Variants in RTL4 observed in about 807,000 individuals in gnomAD.
RTL4 encodes the protein retrotransposon Gag-like protein 4.
A neutral mutation model predicts 5.3 loss-of-function variants in RTL4; 4 were observed. The observed-to-expected ratio is 0.75, with a 90% CI of 0.37 to 1.72. The LOEUF (loss-of-function observed/expected upper bound fraction) is 1.72. RTL4 is among the 40% of genes most tolerant of loss of function. The probability of loss-of-function intolerance (pLI) is 0.04; values close to 1 mark genes in which losing one functional copy is unlikely to be tolerated. For synonymous variants in RTL4, 98 were observed against 87.3 expected, an observed-to-expected ratio of 1.12 and a Z score of -0.68; for missense variants, 260 against 227.1, an observed-to-expected ratio of 1.14 and a Z score of -0.93.
chrX:112,336,262 TCTAA>T, the RTL4 span, among the ~76,000 whole-genome samples: 4 of 112,046 alleles, frequency 3.6e-5, no homozygotes, highest in South Asian at 3.7e-4. Context: ...CTTCTATTAC[TCTAA>T]CTTTCTATTT....
the RTL4 span, among the ~76,000 whole-genome samples, chrX:112,184,883 A>C: frequency 1.8e-5 from 2 of 111,471 alleles, no homozygotes; most frequent in African/African-American, 6.5e-5. Context: ...AATATCAGCT[A>C]TCTTGTTTTC....
At chrX:112,444,406 G>C in the RTL4 span, among the ~76,000 whole-genome samples, 1 of 111,576 alleles carries the variant, frequency 9.0e-6, no homozygotes, top group Non-Finnish European at 1.9e-5. Flanking sequence ...TTTTTGCTCA[G>C]GATAGCCTTG....
the RTL4 span, among the ~76,000 whole-genome samples, chrX:112,379,285 A>G: frequency 3.7e-4 from 41 of 111,978 alleles, no homozygotes; most frequent in African/African-American, 1.3e-3. Context: ...CTCTAAATCA[A>G]TGACCACTGT....
chrX:112,282,204 A>G, the RTL4 span, among the ~76,000 whole-genome samples: 1 of 112,182 alleles, frequency 8.9e-6, no homozygotes, highest in Non-Finnish European at 1.9e-5. Flanking sequence ...CTTCATGTGG[A>G]TATCCACTTG....
At chrX:112,166,359 T>C in the RTL4 span, among the ~76,000 whole-genome samples, 1 of 111,980 alleles carries the variant, frequency 8.9e-6, no homozygotes, top group African/African-American at 3.2e-5. Flanking sequence ...TGTATGTTGG[T>C]AACTAGCAAG....
the RTL4 span, among the ~76,000 whole-genome samples, chrX:112,404,725 G>A: frequency 0.065 from 7,365 of 112,662 alleles, 283 homozygotes; most frequent in African/African-American, 0.14. Context: ...TGCTTTAATA[G>A]CATTCTAGTC....
the RTL4 span, among the ~76,000 whole-genome samples, chrX:112,298,523 G>A: frequency 8.9e-6 from 1 of 112,144 alleles, no homozygotes; most frequent in Non-Finnish European, 1.9e-5. Context: ...GGGTCCTCGG[G>A]TTCTTATTCT....
the RTL4 span, among the ~76,000 whole-genome samples, chrX:112,327,866 A>G: frequency 2.7e-5 from 3 of 111,296 alleles, no homozygotes; most frequent in African/African-American, 9.8e-5. Flanking sequence ...ATTCTTAAAG[A>G]AAAGAATTTT....
chrX:112,414,584 G>A, the RTL4 span, among the ~76,000 whole-genome samples: 9 of 111,495 alleles, frequency 8.1e-5, no homozygotes, highest in African/African-American at 2.9e-4. Context: ...CCTATGTAAG[G>A]TGAAATCCTT....
the RTL4 span, among the ~76,000 whole-genome samples, chrX:112,114,695 C>A: frequency 2.4e-4 from 27 of 111,055 alleles, no homozygotes; most frequent in Admixed American, 1.1e-3. Flanking sequence ...TCCTTCTGGG[C>A]AGGGGAGATT....
At chrX:112,287,440 A>G in the RTL4 span, among the ~76,000 whole-genome samples, 3 of 111,999 alleles carry the variant, frequency 2.7e-5, no homozygotes, top group Admixed American at 2.8e-4. Flanking sequence ...CTCTTCTAGA[A>G]TTGTAGGATT....
chrX:112,443,604 C>A, the RTL4 span, among the ~76,000 whole-genome samples: 1 of 111,717 alleles, frequency 9.0e-6, no homozygotes, highest in Admixed American at 9.5e-5. Flanking sequence ...TTTGTTATTG[C>A]ACGATTTTTT....
At chrX:112,310,153 C>A in the RTL4 span, among the ~76,000 whole-genome samples, 16 of 102,035 alleles carry the variant, frequency 1.6e-4, no homozygotes, top group Non-Finnish European at 3.2e-4. Flanking sequence ...GCCCTAACCT[C>A]CAATATGATG....
the RTL4 span, among the ~76,000 whole-genome samples, chrX:112,360,334 G>A: frequency 9.0e-6 from 1 of 111,102 alleles, no homozygotes; most frequent in Non-Finnish European, 1.9e-5. Context: ...TATTGGCTCA[G>A]TATCAAGACC....
the RTL4 span, among the ~76,000 whole-genome samples, chrX:112,293,993 T>A: frequency 3.6e-5 from 4 of 112,029 alleles, no homozygotes; most frequent in African/African-American, 1.3e-4. Flanking sequence ...AAACCAGTGT[T>A]TATTTAAATA....
the RTL4 span, among the ~76,000 whole-genome samples, chrX:112,441,883 C>T: frequency 8.9e-6 from 1 of 111,879 alleles, no homozygotes; most frequent in African/African-American, 3.3e-5. Flanking sequence ...ACTCAGCTGT[C>T]CATCAGCAAG....
the RTL4 span, among the ~76,000 whole-genome samples, chrX:112,137,966 T>C: frequency 8.9e-6 from 1 of 112,136 alleles, no homozygotes; most frequent in South Asian, 3.7e-4. Context: ...TGTAGCATTG[T>C]TCACAATAGC....
chrX:112,366,651 A>G, the RTL4 span, among the ~76,000 whole-genome samples: 1 of 112,186 alleles, frequency 8.9e-6, no homozygotes, highest in Non-Finnish European at 1.9e-5. Context: ...CTGTCTGCCA[A>G]ACTCTTCTTT....
chrX:112,402,598 C>T, the RTL4 span, among the ~76,000 whole-genome samples: 1 of 111,039 alleles, frequency 9.0e-6, no homozygotes, highest in Non-Finnish European at 1.9e-5. Context: ...ACAGACCTGT[C>T]TTGATGGCAG....
Sources: allele counts gnomAD v4.1 joint callset (sites outside exome capture counted in the v4.1 genomes callset), GRCh38; gene constraint gnomAD v4.1.1; transcripts MANE v1.5; gene names NCBI Gene and HGNC (gene_info 2026-07-23, HGNC 2026-07-21).